Variants in CSMD1 observed in about 807,000 individuals in gnomAD.
The protein encoded by CSMD1 is CUB and sushi domain-containing protein 1.
A neutral mutation model predicts 417.5 loss-of-function variants in CSMD1; 213 were observed. The observed-to-expected ratio is 0.51, with a 90% CI of 0.46 to 0.57. The LOEUF (loss-of-function observed/expected upper bound fraction) is 0.57, where lower values mean the gene tolerates loss of function less well. CSMD1 is among the 20% of genes least tolerant of loss of function. The pLI is 0.00. For missense variants in CSMD1, 6,923 were observed against 4,529.7 expected (o/e 1.53, Z -15.17); for synonymous variants, 2,862 against 1,736.8 (o/e 1.65, Z -16.11).
intron 1 of CSMD1, among the ~76,000 whole-genome samples, chr8:4,864,874 C>CTACACACA (rs1261785936): frequency 3.1e-5 from 1 of 31,856 alleles, no homozygotes; most frequent in Non-Finnish European, 8.7e-5. Context: ...TTGGATTCTA[C>CTACACACA]TACACACACA....
chr8:3,702,684 T>C (rs1264865166), intron 7 of CSMD1, among the ~76,000 whole-genome samples: 2 of 151,988 alleles, frequency 1.3e-5, no homozygotes, highest in African/African-American at 4.8e-5. Context: ...ATAGAAAAAT[T>C]AGCCGGGCAT....
chr8:3,080,614 G>A (rs1213405547), intron 49 of CSMD1, among the ~76,000 whole-genome samples: 2 of 152,134 alleles, frequency 1.3e-5, no homozygotes, highest in East Asian at 1.9e-4. Context: ...TGTGGCCTGG[G>A]GCCTGCCACT....
chr8:3,620,822 T>A (rs572287837), intron 7 of CSMD1, among the ~76,000 whole-genome samples: 8 of 152,306 alleles, frequency 5.3e-5, no homozygotes, highest in African/African-American at 1.7e-4. Flanking sequence ...ACCCTTTAAA[T>A]AATTATTTTA....
At chr8:4,181,588 G>A (rs1032923328) in intron 3 of CSMD1, among the ~76,000 whole-genome samples, 3 of 152,016 alleles carry the variant, frequency 2.0e-5, no homozygotes, top group Non-Finnish European at 2.9e-5. Flanking sequence ...GCCACAGGAT[G>A]GAAAAGCTTG....
In CSMD1 at chr8:4,859,051, C is replaced by T. The variant is rs1433123332; in HGVS notation, c.85+135281G>A. On this transcript the variant is annotated intron_variant, in intron 1 of 69. Transcript: ENST00000635120. ...CTACAGTAACCAAAACAGCATGGTA[C>T]TGGTACCAAAACAGAGATATAGATC... Among the ~76,000 whole-genome samples the T allele has an allele frequency of 7.2e-5, 11 of 151,964 alleles. No homozygotes were observed. The South Asian group carries it at 1.9e-3, about 26-fold the overall frequency.
intron 3 of CSMD1, among the ~76,000 whole-genome samples, chr8:4,183,946 C>G (rs1798521265): frequency 6.6e-6 from 1 of 152,152 alleles, no homozygotes. Flanking sequence ...AACCTATGAA[C>G]TGCTCCTGAG....
At chr8:4,290,572 C>T (rs1455717051) in intron 3 of CSMD1, among the ~76,000 whole-genome samples, 1 of 152,204 alleles carries the variant, frequency 6.6e-6, no homozygotes, top group Admixed American at 6.5e-5. Flanking sequence ...CATAGCTTTT[C>T]TGTCTCCCAT....
intron 3 of CSMD1, among the ~76,000 whole-genome samples, chr8:4,399,224 A>C (rs893689781): frequency 3.9e-5 from 6 of 152,216 alleles, no homozygotes; most frequent in African/African-American, 1.2e-4. Context: ...AATATATGAC[A>C]AACCGTATTT....
intron 10 of CSMD1, among the ~76,000 whole-genome samples, chr8:3,496,912 C>G (rs28826323): frequency 0.082 from 12,432 of 152,254 alleles, 548 homozygotes; most frequent in African/African-American, 0.11. Flanking sequence ...ATTGGACACT[C>G]AGGAACATGT....
intron 2 of CSMD1, among the ~76,000 whole-genome samples, chr8:4,551,072 T>G (rs1797848795): frequency 6.6e-6 from 1 of 152,210 alleles, no homozygotes; most frequent in African/African-American, 2.4e-5. Flanking sequence ...CTAGATTCAC[T>G]ATTTTGAATG....
At chr8:4,053,690 A>C (rs373926432) in intron 3 of CSMD1, among the ~76,000 whole-genome samples, 1 of 152,066 alleles carries the variant, frequency 6.6e-6, no homozygotes, top group African/African-American at 2.4e-5. Context: ...GTTAAAATCA[A>C]ACAGCTCATC....
chr8:3,988,329 T>C (rs1302523955), intron 5 of CSMD1, among the ~76,000 whole-genome samples: 2 of 152,218 alleles, frequency 1.3e-5, no homozygotes, highest in Non-Finnish European at 2.9e-5. Flanking sequence ...TTGCATCAAA[T>C]TCTGAAATAG....
intron 6 of CSMD1, among the ~76,000 whole-genome samples, chr8:3,744,897 G>A (rs955705363): frequency 2.0e-5 from 3 of 152,172 alleles, no homozygotes; most frequent in Non-Finnish European, 4.4e-5. Flanking sequence ...AACATGCTGA[G>A]CGCTTTAGTT....
rs973719653 is a variant in CSMD1, at chr8:3,696,949, G to A, written c.1009+11465C>T. Among the ~76,000 whole-genome samples, 5 of 152,208 alleles carry A rather than the reference G, an allele frequency of 3.3e-5. No individual in the cohort carries two copies. The East Asian group carries it at 5.8e-4, about 18-fold the overall frequency. On this transcript the variant is annotated intron_variant, in intron 7 of 69. Coordinates refer to ENST00000635120, the MANE Select transcript of CSMD1 (RefSeq NM_033225.6). ...ACTTTGCCTTCCATATATGGGCCAC[G>A]TGGACTATAGAGTTTGGGACTGTAG...
chr8:4,240,301 C>T (rs1164139028), intron 3 of CSMD1, among the ~76,000 whole-genome samples: 5 of 152,188 alleles, frequency 3.3e-5, no homozygotes, highest in African/African-American at 1.2e-4. Context: ...ACCCTTATCA[C>T]CTTGTACAAG....
intron 33 of CSMD1, among the ~76,000 whole-genome samples, chr8:3,199,394 T>TAAA (rs1305578340): frequency 6.6e-6 from 1 of 152,120 alleles, no homozygotes; most frequent in African/African-American, 2.4e-5. Flanking sequence ...AATACGTAAT[T>TAAA]AGATAAAATA....
chr8:4,813,905 T>C (rs1039974219), intron 1 of CSMD1, among the ~76,000 whole-genome samples: 1 of 152,208 alleles, frequency 6.6e-6, no homozygotes. Context: ...TAGGTCAATC[T>C]ACTCTAAATT....
intron 2 of CSMD1, among the ~76,000 whole-genome samples, chr8:4,486,232 TATATATATATATACATAC>T (rs1361290216): frequency 0.043 from 710 of 16,382 alleles, 15 homozygotes; most frequent in African/African-American, 0.073. Context: ...TATACATACA[TATATATATATATACATAC>T]ATATATATAT....
At chr8:4,841,066 G>T (rs770837617) in intron 1 of CSMD1, among the ~76,000 whole-genome samples, 1 of 152,162 alleles carries the variant, frequency 6.6e-6, no homozygotes, top group Non-Finnish European at 1.5e-5. Context: ...ATTCTTTCCT[G>T]CCTTGAGAAG....
Sources: allele counts gnomAD v4.1 joint callset (sites outside exome capture counted in the v4.1 genomes callset), GRCh38; gene constraint gnomAD v4.1.1; transcripts MANE v1.5; gene names NCBI Gene and HGNC (gene_info 2026-07-23, HGNC 2026-07-21).